Variants in NRXN1 observed in about 807,000 individuals in gnomAD.
The protein encoded by NRXN1 is neurexin-1.
NRXN1 carries 39 observed loss-of-function variants against 150.9 expected under a neutral mutation model. That is an observed-to-expected ratio of 0.26 (90% CI 0.20 to 0.34). NRXN1 has a LOEUF of 0.34. NRXN1 is among the 10% of genes least tolerant of loss of function. The pLI is 1.00. For synonymous variants in NRXN1, 924 were observed against 757.0 expected (o/e 1.22, Z -3.62); for missense variants, 1,815 against 1,949.9 (o/e 0.93, Z 1.30).
chr2:50,615,484 C>T (rs1678913918), intron 8 of NRXN1: 1 of 152,014 alleles, frequency 6.6e-6, no homozygotes, highest in Admixed American at 6.6e-5. Context: ...TTCGGGGGCA[C>T]AAAGAGACCA....
chr2:50,133,342 GT>G (rs1705848746), intron 18 of NRXN1, among the ~76,000 whole-genome samples: 1 of 139,400 alleles, frequency 7.2e-6, no homozygotes, highest in African/African-American at 2.6e-5. Context: ...CAGCAATCTG[GT>G]TTCAGAGGAG....
intron 17 of NRXN1, among the ~76,000 whole-genome samples, chr2:50,338,113 C>T (rs1334487950): frequency 6.6e-6 from 1 of 152,230 alleles, no homozygotes; most frequent in Non-Finnish European, 1.5e-5. Context: ...GCATATTTAA[C>T]AGCATGTCCA....
chr2:50,873,348 C>A (rs1170899549), intron 5 of NRXN1, among the ~76,000 whole-genome samples: 1 of 151,862 alleles, frequency 6.6e-6, no homozygotes, highest in Non-Finnish European at 1.5e-5. Context: ...GAATAGAATT[C>A]ATGTGCTTTG....
At chr2:50,370,669 T>A (rs1273290158) in intron 17 of NRXN1, among the ~76,000 whole-genome samples, 1 of 151,906 alleles carries the variant, frequency 6.6e-6, no homozygotes, top group African/African-American at 2.4e-5. Context: ...ATTGTTTATG[T>A]TAAGGAGTAG....
intron 8 of NRXN1, among the ~76,000 whole-genome samples, chr2:50,554,859 C>G (rs1365766001): frequency 6.6e-6 from 1 of 151,978 alleles, no homozygotes; most frequent in African/African-American, 2.4e-5. Context: ...ATTCTTTGAA[C>G]AAATATGTAC....
In NRXN1 at chr2:50,206,332, C is replaced by T. The variant is rs576519898; in HGVS notation, c.3546+30457G>A. ...ACAGGTTGTTGTAAACAAAAGTATT[C>T]ACGAGGTGGTCAGACCAATTTGAAA... On this transcript the variant is annotated intron_variant, in intron 18 of 22. Coordinates refer to ENST00000401669, the MANE Select transcript of NRXN1 (RefSeq NM_001330078.2). 6.2e-4 allele frequency among the ~76,000 whole-genome samples: 94 copies of T among 151,970 alleles called. 1 individual carries two copies. The highest frequency in any genetic ancestry group is 1.8e-3 in the African/African-American group (73 of 41,476).
chr2:49,961,640 A>G (rs566857829), intron 21 of NRXN1, among the ~76,000 whole-genome samples: 51 of 152,306 alleles, frequency 3.3e-4, no homozygotes, highest in African/African-American at 1.1e-3. Flanking sequence ...ATTCAGTGAA[A>G]TTTCTATGGA....
chr2:50,574,661 A>G (rs538471333), intron 8 of NRXN1, among the ~76,000 whole-genome samples: 1 of 152,346 alleles, frequency 6.6e-6, no homozygotes, highest in African/African-American at 2.4e-5. Flanking sequence ...TCTAAAGAGA[A>G]GTGTGGCTTC....
chr2:50,139,605 A>C lies in NRXN1; in HGVS notation c.3547-48111T>G, dbSNP rs116230909. On this transcript the variant is annotated intron_variant, in intron 18 of 22. Coordinates refer to ENST00000401669, the MANE Select transcript of NRXN1 (RefSeq NM_001330078.2). ...AAGCATTTTAAAAAGAGAGGAAAAAACAAAACAAAACAAAACAAAACACCA... is the reference window on the plus strand; with the variant it reads ...AAGCATTTTAAAAAGAGAGGAAAAACCAAAACAAAACAAAACAAAACACCA... Among the ~76,000 whole-genome samples the C allele has an allele frequency of 9.0e-3, 1,365 of 152,162 alleles. 22 individuals carry two copies. The highest frequency in any genetic ancestry group is 0.031 in the African/African-American group (1,299 of 41,458).
intron 17 of NRXN1, among the ~76,000 whole-genome samples, chr2:50,416,233 T>A (rs2083531950): frequency 6.6e-6 from 1 of 152,044 alleles, no homozygotes; most frequent in South Asian, 2.1e-4. Context: ...TGGAAGTGAT[T>A]GTAAATGTTA....
At chr2:50,699,137 C>G (rs923316091) in intron 5 of NRXN1, among the ~76,000 whole-genome samples, 3 of 152,066 alleles carry the variant, frequency 2.0e-5, no homozygotes, top group Non-Finnish European at 4.4e-5. Context: ...AGGATCTAGC[C>G]TCCAACAAAC....
chr2:50,985,124 A>G (rs1697487721), intron 2 of NRXN1, among the ~76,000 whole-genome samples: 1 of 152,066 alleles, frequency 6.6e-6, no homozygotes, highest in South Asian at 2.1e-4. Context: ...CATACAGGAA[A>G]AAAAATGTGT....
intron 18 of NRXN1, among the ~76,000 whole-genome samples, chr2:50,168,130 G>A (rs1289833042): frequency 6.6e-6 from 1 of 152,022 alleles, no homozygotes; most frequent in African/African-American, 2.4e-5. Context: ...TCTGCCTCAG[G>A]ACCATGTACA....
At chr2:50,253,442 T>C (rs572492601) in intron 17 of NRXN1, among the ~76,000 whole-genome samples, 8 of 152,250 alleles carry the variant, frequency 5.3e-5, no homozygotes, top group African/African-American at 1.9e-4. Context: ...GAAATTCCAA[T>C]ACAATGTTGA....
chr2:50,071,665 A>C (rs573250687), intron 19 of NRXN1, among the ~76,000 whole-genome samples: 1 of 152,350 alleles, frequency 6.6e-6, no homozygotes, highest in East Asian at 1.9e-4. Flanking sequence ...CATTTAAGCT[A>C]CCACTCTGTG....
chr2:49,950,384 C>A (rs1673706425), intron 21 of NRXN1, among the ~76,000 whole-genome samples: 1 of 151,840 alleles, frequency 6.6e-6, no homozygotes, highest in Non-Finnish European at 1.5e-5. Flanking sequence ...AAATAATAAG[C>A]TGAGATCCAG....
At chr2:50,408,689 C>A (rs1341650080) in intron 17 of NRXN1, among the ~76,000 whole-genome samples, 1 of 152,070 alleles carries the variant, frequency 6.6e-6, no homozygotes, top group Non-Finnish European at 1.5e-5. Flanking sequence ...GCGTCTGTGT[C>A]TGTTTTAGAA....
intron 5 of NRXN1, among the ~76,000 whole-genome samples, chr2:50,696,936 C>A (rs978801385): frequency 6.6e-6 from 1 of 152,026 alleles, no homozygotes; most frequent in African/African-American, 2.4e-5. Flanking sequence ...AAACAGAAAC[C>A]AGTGGCATTG....
intron 5 of NRXN1, among the ~76,000 whole-genome samples, chr2:50,701,461 G>A (rs1014731232): frequency 4.1e-4 from 63 of 152,252 alleles, no homozygotes; most frequent in African/African-American, 1.4e-3. Flanking sequence ...AAGCATCAAG[G>A]CTCAGGAAAA....
Sources: allele counts gnomAD v4.1 joint callset (sites outside exome capture counted in the v4.1 genomes callset), GRCh38; gene constraint gnomAD v4.1.1; transcripts MANE v1.5; gene names NCBI Gene and HGNC (gene_info 2026-07-23, HGNC 2026-07-21).